The following SEL1L variants were observed in gnomAD, a reference collection of about 807,000 sequenced individuals.
The protein encoded by SEL1L is protein sel-1 homolog 1.
Under a neutral mutation model 109.8 loss-of-function variants are expected in SEL1L, and 52 were observed. The observed-to-expected ratio is 0.47, with a 90% CI of 0.38 to 0.60. SEL1L has a LOEUF of 0.60. SEL1L is among the 20% of genes least tolerant of loss of function. SEL1L has a pLI of 0.00. For synonymous variants in SEL1L, 373 were observed against 339.6 expected, an observed-to-expected ratio of 1.10 and a Z score of -1.08; for missense variants, 749 against 962.2, an observed-to-expected ratio of 0.78 and a Z score of 2.93.
rs144346293 is a variant in SEL1L at position 81,493,280 on chromosome 14, C to T, written c.1186-732G>A. Reference sequence around the variant, plus strand: ...ATCCCTGCACTTTGGGAGGCCAAGACGGGCGAATCACTTGAGGTCAGGAGT... The same window carrying T: ...ATCCCTGCACTTTGGGAGGCCAAGATGGGCGAATCACTTGAGGTCAGGAGT... On this transcript the variant is annotated intron_variant, in intron 11 of 20. Transcript: ENST00000336735. Among the ~76,000 whole-genome samples, 1,116 of 152,222 alleles carry T rather than the reference C, an allele frequency of 7.3e-3. 20 individuals are homozygous for T. The highest frequency in any genetic ancestry group is 0.026 in the African/African-American group (1,079 of 41,550).
chr14:81,487,512 T>G lies in SEL1L; in HGVS notation c.1510A>C (p.Lys504Gln), dbSNP rs1271227935. 1 of 1,604,400 alleles carries G rather than the reference T, an allele frequency of 6.2e-7. No homozygotes were observed. Among genetic ancestry groups the G allele is most frequent in the Non-Finnish European group, 8.5e-7 (1 of 1,178,090 alleles). The change falls in exon 16 of 21, where the codon AAA becomes CAA. Residue 504 changes from lysine to glutamine, a missense_variant. Physicochemically the swap from Lys to Gln is moderately conservative, Grantham distance 53. Coordinates refer to ENST00000336735, the MANE Select transcript of SEL1L (RefSeq NM_005065.6). ...AAATTAAAATACTTCAAGGCCTGTT[T>G]ATAATCTCTCTTGACTCCAATGCCA... ...YNGIGVKRDY[K>Q]QALKYFNLAS...
chr14:81,510,238 C>G (rs1595524923), intron 3 of SEL1L, among the ~76,000 whole-genome samples: 1 of 152,234 alleles, frequency 6.6e-6, no homozygotes, highest in East Asian at 1.9e-4. Flanking sequence ...CTGGAGGAGG[C>G]TCAAGCCTTG....
intron 3 of SEL1L, among the ~76,000 whole-genome samples, chr14:81,516,036 T>C (rs1264072861): frequency 6.6e-6 from 1 of 152,060 alleles, no homozygotes; most frequent in Non-Finnish European, 1.5e-5. Context: ...CTTTAAAAAA[T>C]TGTCCAGTGA....
Position 81,502,731 on chromosome 14 carries a change from T to C in SEL1L, c.767A>G (p.Lys256Arg). 1.9e-6 allele frequency: 3 copies of C among 1,613,912 alleles called. No homozygotes were observed. Among genetic ancestry groups the C allele is most frequent in the South Asian group, 1.1e-5 (1 of 91,056 alleles). ...FEKLTEEGSPKGQTALGFLYA... is the reference protein window; with the variant it reads ...FEKLTEEGSPRGQTALGFLYA... ...TGAGAATGTACTTACAGTCTGTCCC[T>C]TGGGAGAGCCTTCCTCAGTCAGCTT... Residue 256 changes from lysine to arginine, a missense_variant, in exon 6 of 21, where the codon AAG (lysine) becomes AGG (arginine). Lys to Arg is a conservative substitution (Grantham distance 26). Around this residue, in one of 2 missense-constraint regions of SEL1L, gnomAD observed 366 missense variants for 399.8 expected, o/e 0.92. Coordinates refer to ENST00000336735, the MANE Select transcript of SEL1L (RefSeq NM_005065.6).
chr14:81,502,929 CT>C, intron 5 of SEL1L, 46 bp from the exon 6 acceptor site: 1 of 1,509,142 alleles, frequency 6.6e-7, no homozygotes, highest in Non-Finnish European at 9.0e-7. Flanking sequence ...TGTTTTGAAA[CT>C]GCCATTAAGT....
At chr14:81,513,991 T>C (rs1884595733) in intron 3 of SEL1L, among the ~76,000 whole-genome samples, 1 of 152,228 alleles carries the variant, frequency 6.6e-6, no homozygotes, top group Non-Finnish European at 1.5e-5. Context: ...CTAATGCTTG[T>C]CAGACAAACT....
intron 13 of SEL1L, among the ~76,000 whole-genome samples, chr14:81,489,524 G>T (rs182838567): frequency 6.6e-6 from 1 of 152,152 alleles, no homozygotes; most frequent in African/African-American, 2.4e-5. Flanking sequence ...TGCTGAAAAA[G>T]AGTAAATAGT....
chr14:81,521,966 C>CGTAG (rs1176076889), intron 3 of SEL1L, among the ~76,000 whole-genome samples: 2 of 151,776 alleles, frequency 1.3e-5, no homozygotes, highest in African/African-American at 4.8e-5. Flanking sequence ...CCTGTGTAGG[C>CGTAG]GTAGGCTAAT....
intron 1 of SEL1L, 89 bp downstream of exon 1, chr14:81,533,585 TC>T (rs1196944011): frequency 8.0e-7 from 1 of 1,246,784 alleles, no homozygotes; most frequent in African/African-American, 1.5e-5. Flanking sequence ...GAGAACGGGG[TC>T]CCGAGCCTGG....
Position 81,486,409 on chromosome 14 carries a change from T to G in SEL1L, c.1678A>C (p.Met560Leu). Residue 560 changes from methionine (M) to leucine (L), a missense_variant, in exon 17 of 21, where the codon ATG becomes CTG. By Grantham distance (15) the Met-to-Leu change is conservative (BLOSUM62 2). Around this residue, in one of 2 missense-constraint regions of SEL1L, gnomAD observed 383 missense variants for 562.5 expected, o/e 0.68. Transcript: ENST00000336735. ...TCTTTATAGCTGTTATAGGCAGTCA[T>G]AAGCCTTTCAGACCAACGGCCTCGT... ...CERGRWSERL[M>L]TAYNSYKDGD... The G allele has an allele frequency of 3.1e-6, 5 of 1,614,156 alleles. No homozygotes were observed. Among genetic ancestry groups the G allele is most frequent in the Non-Finnish European group, 4.2e-6 (5 of 1,180,024 alleles).
At chr14:81,519,857 G>C (rs755004264) in intron 3 of SEL1L, among the ~76,000 whole-genome samples, 2 of 152,150 alleles carry the variant, frequency 1.3e-5, no homozygotes, top group Non-Finnish European at 1.5e-5. Flanking sequence ...AGGCCCAGGG[G>C]CATAAACTGT....
chr14:81,533,629 G>T, intron 1 of SEL1L, 46 bp downstream of exon 1: 1 of 1,583,620 alleles, frequency 6.3e-7, no homozygotes, highest in Non-Finnish European at 8.6e-7. Context: ...GTAGAGGCTG[G>T]GGGGCGGAGG....
rs746774740 is a variant in SEL1L, at chr14:81,533,730, T to C, written c.15A>G (p.Ile5Met). 16 of 1,613,416 alleles carry C rather than the reference T, an allele frequency of 9.9e-6. No individual in the cohort carries two copies. The South Asian group carries it at 1.6e-4, about 17-fold the overall frequency. Reference sequence around the variant, plus strand: ...CCGCACACAGCAGCAGCGTCAGCCCTATCCGGACCCGCATCCTCCTCTCGG... The same window carrying C: ...CCGCACACAGCAGCAGCGTCAGCCCCATCCGGACCCGCATCCTCCTCTCGG... Reference protein sequence around the residue: MRVRIGLTLLLCAVL... With the variant: MRVRMGLTLLLCAVL... Residue 5 changes from isoleucine (I) to methionine (M), a missense_variant, in exon 1 of 21, where the codon ATA becomes ATG. Physicochemically the swap from Ile to Met is conservative, Grantham distance 10. Transcript: ENST00000336735.
rs186883155 is a variant in SEL1L, at chr14:81,516,346, C to A, written c.341-10105G>T. 3.4e-3 allele frequency among the ~76,000 whole-genome samples: 520 copies of A among 152,366 alleles called. 3 individuals carry two copies. Among genetic ancestry groups the A allele is most frequent in the African/African-American group, 0.012 (495 of 41,590 alleles). On this transcript the variant is annotated intron_variant, in intron 3 of 20. Coordinates refer to ENST00000336735, the MANE Select transcript of SEL1L (RefSeq NM_005065.6). ...CGTTACCAACCGAGGAATCCTGGGA[C>A]AGCCTGTAACCAGGTATTTCTCCCA...
At chr14:81,531,982 G>A (rs932249027) in intron 1 of SEL1L, among the ~76,000 whole-genome samples, 1 of 152,162 alleles carries the variant, frequency 6.6e-6, no homozygotes, top group African/African-American at 2.4e-5. Context: ...AACTATGATG[G>A]AAATCAGAGC....
chr14:81,509,080 C>T lies in SEL1L; in HGVS notation c.341-2839G>A, dbSNP rs148723917. On this transcript the variant is annotated intron_variant, in intron 3 of 20. Transcript: ENST00000336735. ...ATTAGTGAAGAAAATTTGTTTCTCT[C>T]AGCTACCTTCTCCAAGGGAAATCAC... is the stretch of plus-strand genomic sequence containing the variant. Among the ~76,000 whole-genome samples the T allele has an allele frequency of 3.7e-3, 571 of 152,296 alleles. 3 individuals carry two copies. Among genetic ancestry groups the T allele is most frequent in the African/African-American group, 7.2e-3 (299 of 41,562 alleles).
Position 81,490,471 on chromosome 14 carries a change from A to G in SEL1L, c.1255-6T>C, listed in dbSNP as rs1595508298. On this transcript the variant is annotated splice_polypyrimidine_tract_variant and splice_region_variant and intron_variant, in intron 12 of 20. Coordinates refer to ENST00000336735, the MANE Select transcript of SEL1L (RefSeq NM_005065.6). ...TCACTTCCTTCCGAATACATCTGGA[A>G]AACAGATCCCAATTTCAGTAAGAGC... 2 of 1,608,146 alleles carry G rather than the reference A, an allele frequency of 1.2e-6. No individual in the cohort carries two copies. The highest frequency in any genetic ancestry group is 4.5e-5 in the East Asian group (2 of 44,832).
intron 1 of SEL1L, among the ~76,000 whole-genome samples, chr14:81,529,556 C>T (rs1885247179): frequency 6.6e-6 from 1 of 152,158 alleles, no homozygotes; most frequent in Non-Finnish European, 1.5e-5. Flanking sequence ...TCACACAGCA[C>T]AAGCTGTTAG....
chr14:81,499,886 A>T (rs192810886), intron 6 of SEL1L, among the ~76,000 whole-genome samples: 170 of 149,908 alleles, frequency 1.1e-3, no homozygotes, highest in African/African-American at 2.1e-3. Flanking sequence ...TTTAAAAAAA[A>T]TTTTATTTAT....
Sources: allele counts gnomAD v4.1 joint callset (sites outside exome capture counted in the v4.1 genomes callset), GRCh38; gene constraint gnomAD v4.1.1; regional missense constraint gnomAD v4.1.1; transcripts MANE v1.5; gene names NCBI Gene and HGNC (gene_info 2026-07-23, HGNC 2026-07-21).